Variants in S100A7A observed in about 807,000 individuals in gnomAD.
S100A7A encodes S100 calcium binding protein A7A, also known as protein S100-A7A.
A neutral mutation model predicts 4.0 loss-of-function variants in S100A7A; 5 were observed. That is an observed-to-expected ratio of 1.26 (90% CI 0.66 to 2.66). The LOEUF is 2.66. Ranked by LOEUF, S100A7A falls within the 30% of genes most tolerant of loss-of-function variation. The pLI, the probability that S100A7A is intolerant of heterozygous loss-of-function variation, is 0.01. For synonymous variants in S100A7A, 52 were observed against 46.4 expected, an observed-to-expected ratio of 1.12 and a Z score of -0.49; for missense variants, 159 against 125.1, an observed-to-expected ratio of 1.27 and a Z score of -1.29.
chr1:153,416,976 C>T (rs1035706541), intron 1 of S100A7A, among the ~76,000 whole-genome samples: 5 of 152,074 alleles, frequency 3.3e-5, no homozygotes, highest in South Asian at 2.1e-4. Flanking sequence ...CTCTCCAAAC[C>T]CCCAGGCCTT....
Position 153,420,707 on chromosome 1 carries a change from T to A in S100A7A, c.*1398T>A, listed in dbSNP as rs1221198441. On this transcript the variant is annotated 3_prime_UTR_variant, in exon 3 of 3. Transcript: ENST00000368729. ...ACCTCTAAATCCCCATGTCTGACCA[T>A]TAGTTTTCTTCTCTTTCCTTCTCTC... 6.6e-6 allele frequency: 1 copy of A among 152,202 alleles called. No homozygotes were observed. The highest frequency in any genetic ancestry group is 2.4e-5 in the African/African-American group (1 of 41,410). 9.4% of individuals were successfully genotyped at this position (152,202 alleles called of 1,614,324 possible). A position where few individuals can be genotyped will look rare whatever the true frequency, so the allele number is the denominator to read the frequency against.
chr1:153,417,095 C>T (rs1415004746), intron 1 of S100A7A: 1 of 152,516 alleles, frequency 6.6e-6, no homozygotes, highest in East Asian at 1.9e-4. Flanking sequence ...CAGTTGCTGG[C>T]ACGGAGCTTT....
At position 153,421,709 on chromosome 1, in the gene S100A7A, C is replaced by T. The variant is rs1372312369; in HGVS notation, c.*2400C>T. 6.6e-6 allele frequency: 1 copy of T among 152,214 alleles called. No homozygotes were observed. Among genetic ancestry groups the T allele is most frequent in the African/African-American group, 2.4e-5 (1 of 41,438 alleles). The allele number at this position is 152,214 out of a possible 1,614,324, so 9.4% of individuals were successfully genotyped here. The stretch of plus-strand genomic sequence containing the variant: ...ATCTCCCAAAAGAAGAGAGGGTCTC[C>T]CTGGGGTGGGGTTGCTGGACCTTCA... On this transcript the variant is annotated 3_prime_UTR_variant, in exon 3 of 3. Coordinates refer to ENST00000368729, the MANE Select transcript of S100A7A (RefSeq NM_176823.4).
chr1:153,419,746 C>T lies in S100A7A; in HGVS notation c.*437C>T, dbSNP rs977524048. The T allele has an allele frequency of 2.5e-5, 4 of 159,748 alleles. No homozygotes were observed. Among genetic ancestry groups the T allele is most frequent in the African/African-American group, 9.6e-5 (4 of 41,690 alleles). The allele number at this position is 159,748 out of a possible 1,614,324, so 9.9% of individuals were successfully genotyped here. On this transcript the variant is annotated 3_prime_UTR_variant, in exon 3 of 3. Transcript: ENST00000368729. ...TGTGCTCCTGCCCTCCCACTCCTGC[C>T]CCAGCTGTTCTCCAGGGCTTGGGGA...
At position 153,421,561 on chromosome 1, in the gene S100A7A, C is replaced by CCAGT. The variant is rs1202527670; in HGVS notation, c.*2254_*2257dup. The CCAGT allele has an allele frequency of 4.6e-5, 7 of 152,210 alleles. No individual in the cohort carries two copies. The highest frequency in any genetic ancestry group is 1.7e-4 in the African/African-American group (7 of 41,450). 9.4% of individuals were successfully genotyped at this position (152,210 alleles called of 1,614,324 possible). A position where few individuals can be genotyped will look rare whatever the true frequency, so the allele number is the denominator to read the frequency against. Reference sequence around the variant, plus strand: ...ACAGCAGTGTAAAATCCAAAAACTTCCAGTCCTGGAGGCAGGTTGTGCAGC... The same window carrying CCAGT: ...ACAGCAGTGTAAAATCCAAAAACTTCCAGTCAGTCCTGGAGGCAGGTTGTGCAGC... On this transcript the variant is annotated 3_prime_UTR_variant, in exon 3 of 3. Coordinates refer to ENST00000368729, the MANE Select transcript of S100A7A (RefSeq NM_176823.4).
chr1:153,418,923 T>C (rs2101627007), intron 2 of S100A7A, among the ~76,000 whole-genome samples: 1 of 152,200 alleles, frequency 6.6e-6, no homozygotes, highest in South Asian at 2.1e-4. Context: ...AGGACCTGCC[T>C]CCCATCCTGA....
In S100A7A at chr1:153,419,319, A is replaced by C. The variant is rs776110023; in HGVS notation, c.*10A>C. 1.2e-6 allele frequency: 2 copies of C among 1,611,746 alleles called. No individual in the cohort carries two copies. Among genetic ancestry groups the C allele is most frequent in the African/African-American group, 2.7e-5 (2 of 74,744 alleles). The stretch of plus-strand genomic sequence containing the variant: ...TGGGGGAAGCCAGTGATCCAGCCCC[A>C]CCAAGGGGCCTCCAGAGACCCCAGG... On this transcript the variant is annotated 3_prime_UTR_variant, in exon 3 of 3. Coordinates refer to ENST00000368729, the MANE Select transcript of S100A7A (RefSeq NM_176823.4).
chr1:153,417,346 CA>C (rs1251696872), intron 1 of S100A7A: 1 of 152,210 alleles, frequency 6.6e-6, no homozygotes, highest in Non-Finnish European at 1.5e-5. Context: ...TTCCCAAGAG[CA>C]GACATGAAGC....
At chr1:153,417,762 G>T (rs1372927126) in intron 1 of S100A7A, among the ~76,000 whole-genome samples, 5 of 152,210 alleles carry the variant, frequency 3.3e-5, no homozygotes, top group Admixed American at 1.3e-4. Context: ...TCCCAGCTTA[G>T]TTCTTCTATG....
At position 153,420,412 on chromosome 1, in the gene S100A7A, C is replaced by T. The variant is rs1268118753; in HGVS notation, c.*1103C>T. 6.6e-6 allele frequency: 1 copy of T among 152,162 alleles called. No homozygotes were observed. The highest frequency in any genetic ancestry group is 1.5e-5 in the Non-Finnish European group (1 of 68,066). 9.4% of individuals were successfully genotyped at this position (152,162 alleles called of 1,614,324 possible). A position where few individuals can be genotyped will look rare whatever the true frequency, so the allele number is the denominator to read the frequency against. ...TTCCTTGAGGCTCACATCATGTGTC[C>T]CTATCACTCTTACTACTCTGGTCAG... On this transcript the variant is annotated 3_prime_UTR_variant, in exon 3 of 3. Coordinates refer to ENST00000368729, the MANE Select transcript of S100A7A (RefSeq NM_176823.4).
chr1:153,416,923 C>G (rs1164383985), intron 1 of S100A7A, among the ~76,000 whole-genome samples: 2 of 152,262 alleles, frequency 1.3e-5, no homozygotes, highest in Non-Finnish European at 2.9e-5. Flanking sequence ...TCTGCCCCCA[C>G]AGAGGGAGGA....
intron 1 of S100A7A, among the ~76,000 whole-genome samples, chr1:153,417,667 C>T (rs951188491): frequency 6.6e-6 from 1 of 152,220 alleles, no homozygotes; most frequent in African/African-American, 2.4e-5. Flanking sequence ...CCCCGTGACT[C>T]TCACCCCGAC....
At chr1:153,418,953 C>A (rs377340015) in intron 2 of S100A7A, among the ~76,000 whole-genome samples, 192 bp from the exon 3 acceptor site, 1 of 152,244 alleles carries the variant, frequency 6.6e-6, no homozygotes, top group South Asian at 2.1e-4. Context: ...CAAAAAGTCT[C>A]CTTAGAGAAC....
Position 153,418,213 on chromosome 1 carries a change from T to A in S100A7A, c.131T>A (p.Leu44His). Residue 44 changes from leucine (L) to histidine (H), a missense_variant, in exon 2 of 3, where the codon CTC (leucine) becomes CAC (histidine). By Grantham distance (99) the Leu-to-His change is moderately conservative. Coordinates refer to ENST00000368729, the MANE Select transcript of S100A7A (RefSeq NM_176823.4). Reference protein sequence around the residue: ...TMMKENFPNFLSACDKKGIHY... With the variant: ...TMMKENFPNFHSACDKKGIHY... ...ATGAAGGAGAACTTCCCCAATTTCC[T>A]CAGTGCCTGTGTGAGTTGGGGTCTA... 1 of 1,613,978 alleles carries A rather than the reference T, an allele frequency of 6.2e-7. No homozygotes were observed. Among genetic ancestry groups the A allele is most frequent in the Non-Finnish European group, 8.5e-7 (1 of 1,179,900 alleles).
rs909945208 is a variant in S100A7A at position 153,421,804 on chromosome 1, G to A, written c.*2495G>A. ...GGCCTGCCCTCCCTTTATTTTTCCA[G>A]TTCTTATTTCACCTGATAATATTCC... On this transcript the variant is annotated 3_prime_UTR_variant, in exon 3 of 3. Transcript: ENST00000368729. 2.0e-5 allele frequency: 3 copies of A among 152,200 alleles called. No homozygotes were observed. The highest frequency in any genetic ancestry group is 7.2e-5 in the African/African-American group (3 of 41,446). The allele number at this position is 152,200 out of a possible 1,614,324, so 9.4% of individuals were successfully genotyped here. A position where few individuals can be genotyped will look rare whatever the true frequency, so the allele number is the denominator to read the frequency against.
At chr1:153,418,247 A>G (rs774406761) in intron 2 of S100A7A, 24 bp downstream of exon 2, 2 of 1,613,632 alleles carry the variant, frequency 1.2e-6, no homozygotes, top group Non-Finnish European at 1.7e-6. Context: ...TAGCTTCTCA[A>G]TGTTGGTTGG....
rs369188298 is a variant in S100A7A at position 153,419,303 on chromosome 1, C to T, written c.300C>T (p.Ser100=). ...GAGCGGCGCCCTGTTCTGGGGGAAG[C>T]CAGTGATCCAGCCCCACCAAGGGGC... is the stretch of plus-strand genomic sequence containing the variant. The part of the protein sequence containing the change: ...SHGAAPCSGG[S]Q The change falls in exon 3 of 3, where the codon AGC becomes AGT. Residue 100 remains serine (S), a synonymous_variant. Transcript: ENST00000368729. The T allele has an allele frequency of 6.2e-7, 1 of 1,613,890 alleles. No homozygotes were observed. The highest frequency in any genetic ancestry group is 1.3e-5 in the African/African-American group (1 of 74,930).
chr1:153,419,109 T>C (rs768481856), intron 2 of S100A7A, 36 bp from the exon 3 acceptor site: 21 of 1,606,402 alleles, frequency 1.3e-5, no homozygotes, highest in Non-Finnish European at 1.6e-5. Flanking sequence ...TGTTTGTGAT[T>C]GAATTTTTCT....
rs1662907548 is a variant in S100A7A at position 153,421,964 on chromosome 1, C to T, written c.*2655C>T. 6.6e-6 allele frequency: 1 copy of T among 152,236 alleles called. No homozygotes were observed. Among genetic ancestry groups the T allele is most frequent in the Non-Finnish European group, 1.5e-5 (1 of 68,044 alleles). The allele number at this position is 152,236 out of a possible 1,614,324, so 9.4% of individuals were successfully genotyped here. On this transcript the variant is annotated 3_prime_UTR_variant, in exon 3 of 3. Transcript: ENST00000368729. ...TGTTCCTGAGACTATTTCACACTCT[C>T]CATGCTTATGTCAATGCAGGACTCA...
Sources: gnomAD v4.1 joint callset for allele counts (sites outside exome capture counted in the v4.1 genomes callset) on GRCh38, gnomAD v4.1.1 for gene constraint, MANE v1.5 for transcripts, NCBI Gene and HGNC (gene_info 2026-07-23, HGNC 2026-07-21) for gene names.